SLC25A21: variants seen among roughly 807,000 people sequenced by gnomAD.
SLC25A21 encodes the protein mitochondrial 2-oxodicarboxylate carrier.
SLC25A21 carries 47 observed loss-of-function variants against 43.8 expected under a neutral mutation model. That is an observed-to-expected ratio of 1.07 (90% CI 0.85 to 1.37). SLC25A21 has a LOEUF of 1.37. Among genes scored for constraint, SLC25A21 ranks in the 40% most tolerant of loss-of-function variants. The pLI, the probability that SLC25A21 is intolerant of heterozygous loss-of-function variation, is 0.00. For missense variants in SLC25A21, 352 were observed against 350.2 expected, an observed-to-expected ratio of 1.00 and a Z score of -0.04; for synonymous variants, 131 against 121.3, an observed-to-expected ratio of 1.08 and a Z score of -0.52.
At chr14:37,118,731 T>G (rs1963151543) in intron 1 of SLC25A21, among the ~76,000 whole-genome samples, 1 of 152,174 alleles carries the variant, frequency 6.6e-6, no homozygotes, top group African/African-American at 2.4e-5. Flanking sequence ...TTTTTATACT[T>G]ATTCCTTGAC....
intron 1 of SLC25A21, among the ~76,000 whole-genome samples, chr14:36,876,433 C>G (rs11621950): frequency 0.44 from 66,656 of 151,806 alleles, 15,951 homozygotes; most frequent in Non-Finnish European, 0.52. Context: ...CCAAGTCAAG[C>G]ACCCAGTTGG....
chr14:37,075,402 G>T (rs1962259381), intron 1 of SLC25A21, among the ~76,000 whole-genome samples: 1 of 152,018 alleles, frequency 6.6e-6, no homozygotes, highest in African/African-American at 2.4e-5. Context: ...CATATTGATA[G>T]ACCCAGACAA....
intron 3 of SLC25A21, among the ~76,000 whole-genome samples, chr14:36,783,984 T>C (rs1203805678): frequency 6.6e-6 from 1 of 152,230 alleles, no homozygotes; most frequent in East Asian, 1.9e-4. Flanking sequence ...ATGAATAATT[T>C]TTTTCAACTA....
intron 1 of SLC25A21, among the ~76,000 whole-genome samples, chr14:36,876,391 C>T (rs910136105): frequency 6.6e-6 from 1 of 152,096 alleles, no homozygotes; most frequent in East Asian, 1.9e-4. Flanking sequence ...CTAATAAGAT[C>T]CAATATGGAT....
chr14:37,141,598 G>A lies in SLC25A21; in HGVS notation c.70+30683C>T, dbSNP rs535221791. Among the ~76,000 whole-genome samples the A allele has an allele frequency of 1.3e-4, 19 of 151,922 alleles. 1 individual carries two copies. In the South Asian group the frequency reaches 2.1e-3, roughly 17 times the overall value. ...CTCACACATTCAAATTTGAGTTACCGGCTATTTTATCATTTTCCATCTTTT... is the reference window on the plus strand; with the variant it reads ...CTCACACATTCAAATTTGAGTTACCAGCTATTTTATCATTTTCCATCTTTT... On this transcript the variant is annotated intron_variant, in intron 1 of 9. Coordinates refer to ENST00000331299, the MANE Select transcript of SLC25A21 (RefSeq NM_030631.4).
chr14:36,718,866 T>G (rs2139201377), intron 6 of SLC25A21, among the ~76,000 whole-genome samples: 1 of 152,336 alleles, frequency 6.6e-6, no homozygotes, highest in East Asian at 1.9e-4. Flanking sequence ...TTATTTCTTT[T>G]TTGGGCTGAA....
In SLC25A21 at chr14:36,684,927, TAAAAG is replaced by T. The variant is rs765925319; in HGVS notation, c.604-7_604-3del. ...TCTCCAAAACTCCAAGATTGGATCCTAAAAGAAAAGAAGAATAATATAACAGAAAG... is the reference window on the plus strand; with the variant it reads ...TCTCCAAAACTCCAAGATTGGATCCTAAAAGAAGAATAATATAACAGAAAG... On this transcript the variant is annotated splice_polypyrimidine_tract_variant and splice_region_variant and intron_variant, in intron 7 of 9. Coordinates refer to ENST00000331299, the MANE Select transcript of SLC25A21 (RefSeq NM_030631.4). 65 of 1,606,424 alleles carry T rather than the reference TAAAAG, an allele frequency of 4.0e-5. No homozygotes were observed. Among genetic ancestry groups the T allele is most frequent in the Non-Finnish European group, 4.9e-5 (58 of 1,177,748 alleles).
chr14:36,807,357 G>C (rs1888078436), intron 3 of SLC25A21, among the ~76,000 whole-genome samples: 2 of 152,186 alleles, frequency 1.3e-5, no homozygotes, highest in African/African-American at 2.4e-5. Flanking sequence ...GTGCAGGAGA[G>C]TTGAGAGGGG....
At chr14:36,764,079 A>AGAAAGAAAGAAAGAAAGAAG (rs1555326615) in intron 3 of SLC25A21, among the ~76,000 whole-genome samples, 14 of 41,870 alleles carry the variant, frequency 3.3e-4, no homozygotes, top group East Asian at 2.6e-3. Flanking sequence ...AAAGAAAGAA[A>AGAAAGAAAGAAAGAAAGAAG]GAAGGAAGGA....
intron 1 of SLC25A21, among the ~76,000 whole-genome samples, chr14:37,037,049 G>C (rs932694447): frequency 6.6e-6 from 1 of 152,112 alleles, no homozygotes; most frequent in South Asian, 2.1e-4. Flanking sequence ...ATGTGCCCTG[G>C]TACATGCATC....
In SLC25A21 at chr14:36,678,270, A is replaced by G; in HGVS notation, c.*2388T>C. The G allele has an allele frequency of 1.8e-6, 1 of 566,350 alleles. No homozygotes were observed. Among genetic ancestry groups the G allele is most frequent in the Non-Finnish European group, 3.2e-6 (1 of 316,944 alleles). The allele number at this position is 566,350 out of a possible 1,614,324, so 35.1% of individuals were successfully genotyped here. ...TGTAAACAGTAAGCAGATTTCTGAC[A>G]CACAAATTATGTTAGAGTGACTGCT... On this transcript the variant is annotated 3_prime_UTR_variant, in exon 10 of 10. Transcript: ENST00000331299.
chr14:37,020,528 A>G (rs1015728175), intron 1 of SLC25A21, among the ~76,000 whole-genome samples: 3 of 151,908 alleles, frequency 2.0e-5, no homozygotes, highest in African/African-American at 7.3e-5. Flanking sequence ...CAAAATAATC[A>G]GAAATATACA....
intron 7 of SLC25A21, among the ~76,000 whole-genome samples, chr14:36,700,890 G>C (rs1204956799): frequency 1.3e-5 from 2 of 152,192 alleles, no homozygotes; most frequent in Non-Finnish European, 2.9e-5. Flanking sequence ...TCATTGTCTT[G>C]CCCACAGCTG....
chr14:37,080,446 C>A (rs767315155), intron 1 of SLC25A21, among the ~76,000 whole-genome samples: 26 of 152,138 alleles, frequency 1.7e-4, no homozygotes, highest in Non-Finnish European at 3.2e-4. Flanking sequence ...TACAAAAAAA[C>A]CATTTTAGCT....
intron 1 of SLC25A21, among the ~76,000 whole-genome samples, chr14:37,082,488 A>T (rs1420985110): frequency 6.6e-6 from 1 of 152,226 alleles, no homozygotes; most frequent in Non-Finnish European, 1.5e-5. Context: ...TTACAGGGAC[A>T]CCATCTATTT....
At chr14:37,104,774 T>C in intron 1 of SLC25A21, among the ~76,000 whole-genome samples, 1 of 152,100 alleles carries the variant, frequency 6.6e-6, no homozygotes, top group East Asian at 1.9e-4. Flanking sequence ...CAGCCCAAGG[T>C]TTATCCTAAG....
At chr14:36,911,511 G>C (rs1293106947) in intron 1 of SLC25A21, among the ~76,000 whole-genome samples, 2 of 152,120 alleles carry the variant, frequency 1.3e-5, no homozygotes, top group African/African-American at 4.8e-5. Context: ...ATGGACAACA[G>C]GACGTTAGTA....
At chr14:36,718,517 C>G (rs1343413493) in intron 6 of SLC25A21, among the ~76,000 whole-genome samples, 1 of 152,236 alleles carries the variant, frequency 6.6e-6, no homozygotes, top group Admixed American at 6.5e-5. Flanking sequence ...ACTTCTCTCT[C>G]TCTCTCAAAA....
intron 1 of SLC25A21, among the ~76,000 whole-genome samples, chr14:36,977,148 T>G (rs1268926553): frequency 6.6e-6 from 1 of 152,238 alleles, no homozygotes; most frequent in Non-Finnish European, 1.5e-5. Flanking sequence ...CTTGATCCAA[T>G]TATTTATTCC....
Sources: gnomAD v4.1 joint callset for allele counts (sites outside exome capture counted in the v4.1 genomes callset) on GRCh38, gnomAD v4.1.1 for gene constraint, MANE v1.5 for transcripts, NCBI Gene and HGNC (gene_info 2026-07-23, HGNC 2026-07-21) for gene names.